The following SH3RF3 variants were observed in gnomAD, a reference collection of about 807,000 sequenced individuals.
SH3RF3 encodes SH3 domain containing ring finger 3, also known as E3 ubiquitin-protein ligase SH3RF3.
Under a neutral mutation model 66.3 loss-of-function variants are expected in SH3RF3, and 29 were observed. The observed-to-expected ratio is 0.44, with a 90% CI of 0.33 to 0.60. SH3RF3 has a LOEUF of 0.60. SH3RF3 is among the 20% of genes least tolerant of loss of function. The probability of loss-of-function intolerance (pLI) is 0.04; values close to 1 mark genes in which losing one functional copy is unlikely to be tolerated. For missense variants in SH3RF3, 1,194 were observed against 1,190.9 expected, an observed-to-expected ratio of 1.00 and a Z score of -0.04; for synonymous variants, 583 against 532.0, an observed-to-expected ratio of 1.10 and a Z score of -1.32.
At chr2:109,187,747 A>G (rs1223361438) in intron 1 of SH3RF3, among the ~76,000 whole-genome samples, 1 of 152,164 alleles carries the variant, frequency 6.6e-6, no homozygotes, top group Non-Finnish European at 1.5e-5. Context: ...GACTGTGTAT[A>G]TATGTCTGTA....
intron 1 of SH3RF3, among the ~76,000 whole-genome samples, chr2:109,234,914 G>A (rs1210458648): frequency 6.6e-6 from 1 of 152,218 alleles, no homozygotes; most frequent in Admixed American, 6.5e-5. Context: ...TCCATTTTGT[G>A]TTTCTGTGTA....
At chr2:109,481,900 C>G (rs1452741144) in intron 8 of SH3RF3, among the ~76,000 whole-genome samples, 1 of 152,144 alleles carries the variant, frequency 6.6e-6, no homozygotes, top group Admixed American at 6.5e-5. Context: ...ACCACGGAAT[C>G]ACTGCTGGAG....
chr2:109,242,517 G>A (rs1208935290), intron 1 of SH3RF3, among the ~76,000 whole-genome samples: 6 of 152,178 alleles, frequency 3.9e-5, no homozygotes, highest in African/African-American at 1.2e-4. Flanking sequence ...CTGGAGAAGC[G>A]GGAGTGAATG....
At chr2:109,360,534 T>G (rs1028471737) in intron 2 of SH3RF3, among the ~76,000 whole-genome samples, 4 of 152,220 alleles carry the variant, frequency 2.6e-5, no homozygotes, top group African/African-American at 4.8e-5. Context: ...ACCCAAGATA[T>G]CTCATTATGT....
At chr2:109,296,747 C>G (rs755907945) in intron 1 of SH3RF3, among the ~76,000 whole-genome samples, 1 of 152,106 alleles carries the variant, frequency 6.6e-6, no homozygotes, top group Non-Finnish European at 1.5e-5. Context: ...GCAGAGGATT[C>G]GCGTGGCCTG....
At chr2:109,451,753 G>T (rs968205880) in intron 8 of SH3RF3, among the ~76,000 whole-genome samples, 5 of 152,234 alleles carry the variant, frequency 3.3e-5, no homozygotes, top group African/African-American at 1.2e-4. Flanking sequence ...TTGATGAAAG[G>T]CGACATGCAG....
chr2:109,280,975 C>T (rs541508925), intron 1 of SH3RF3, among the ~76,000 whole-genome samples: 1 of 152,300 alleles, frequency 6.6e-6, no homozygotes, highest in South Asian at 2.1e-4. Flanking sequence ...AGTGGTGATG[C>T]AGAACACACA....
intron 3 of SH3RF3, among the ~76,000 whole-genome samples, chr2:109,374,718 A>T (rs938274761): frequency 6.6e-6 from 1 of 152,228 alleles, no homozygotes; most frequent in African/African-American, 2.4e-5. Flanking sequence ...CTTGGATTGC[A>T]TGAAGGTCTC....
At chr2:109,285,020 G>GA (rs1273408795) in intron 1 of SH3RF3, among the ~76,000 whole-genome samples, 4 of 152,264 alleles carry the variant, frequency 2.6e-5, no homozygotes, top group Admixed American at 1.3e-4. Context: ...CGTTGTCTGT[G>GA]CGCTGTGCCG....
At chr2:109,212,454 T>C (rs2105112616) in intron 1 of SH3RF3, among the ~76,000 whole-genome samples, 1 of 152,320 alleles carries the variant, frequency 6.6e-6, no homozygotes, top group Admixed American at 6.5e-5. Flanking sequence ...AGTCTCAAAA[T>C]GAATTTGTTA....
intron 1 of SH3RF3, among the ~76,000 whole-genome samples, chr2:109,155,464 G>A (rs993817776): frequency 1.3e-5 from 2 of 152,048 alleles, no homozygotes; most frequent in Admixed American, 6.5e-5. Flanking sequence ...CACCACGCCT[G>A]GCTAATTTTT....
intron 3 of SH3RF3, among the ~76,000 whole-genome samples, chr2:109,384,622 C>T (rs574807531): frequency 2.6e-5 from 4 of 152,250 alleles, no homozygotes; most frequent in African/African-American, 7.2e-5. Flanking sequence ...CCTTCTCTGC[C>T]GAGTGCCCGC....
chr2:109,497,417 C>A (rs557697970), intron 9 of SH3RF3, among the ~76,000 whole-genome samples: 4 of 152,350 alleles, frequency 2.6e-5, no homozygotes, highest in East Asian at 1.9e-4. Context: ...ACCTCGCACA[C>A]AGAGCTAATG....
At chr2:109,387,700 C>T (rs1002009678) in intron 3 of SH3RF3, among the ~76,000 whole-genome samples, 13 of 152,240 alleles carry the variant, frequency 8.5e-5, no homozygotes, top group Non-Finnish European at 1.8e-4. Flanking sequence ...CACCATTCAA[C>T]GTCCTCTATG....
intron 1 of SH3RF3, among the ~76,000 whole-genome samples, chr2:109,312,802 T>TAAA (rs1681762099): frequency 6.6e-6 from 1 of 152,270 alleles, no homozygotes; most frequent in Non-Finnish European, 1.5e-5. Context: ...TTCCACCTTT[T>TAAA]GGCTCTTGTG....
intron 5 of SH3RF3, 148 bp from the exon 6 acceptor site, chr2:109,432,353 G>C: frequency 2.0e-6 from 2 of 1,001,832 alleles, no homozygotes; most frequent in South Asian, 3.3e-5. Flanking sequence ...GGGTGTGTGA[G>C]GCCTCTGTAA....
chr2:109,473,377 G>A (rs1010815605), intron 8 of SH3RF3, among the ~76,000 whole-genome samples: 9 of 152,252 alleles, frequency 5.9e-5, no homozygotes, highest in South Asian at 2.1e-4. Context: ...AGAATAGGGC[G>A]TGCTCTGAGG....
At chr2:109,399,267 T>C (rs1343821822) in intron 4 of SH3RF3, among the ~76,000 whole-genome samples, 1 of 152,202 alleles carries the variant, frequency 6.6e-6, no homozygotes, top group African/African-American at 2.4e-5. Context: ...TGTCTGATTA[T>C]GTCCTGGAAG....
chr2:109,254,761 C>T (rs1489536169), intron 1 of SH3RF3, among the ~76,000 whole-genome samples: 2 of 152,062 alleles, frequency 1.3e-5, no homozygotes, highest in African/African-American at 4.8e-5. Context: ...ACTTTAGTGG[C>T]TCGGGACAGT....
Sources: allele counts gnomAD v4.1 joint callset (sites outside exome capture counted in the v4.1 genomes callset), GRCh38; gene constraint gnomAD v4.1.1; transcripts MANE v1.5; gene names NCBI Gene and HGNC (gene_info 2026-07-23, HGNC 2026-07-21).